The following SYCP1 variants were observed in gnomAD, a reference collection of about 807,000 sequenced individuals.
SYCP1 encodes cancer/testis antigen 8.
Under a neutral mutation model 153.1 loss-of-function variants are expected in SYCP1, and 64 were observed. The ratio of observed to expected loss-of-function variants is 0.42; its 90% CI spans 0.34 to 0.51. The LOEUF (loss-of-function observed/expected upper bound fraction) is 0.51. Ranked by LOEUF, SYCP1 falls within the 20% of genes least tolerant of loss-of-function variation. SYCP1 has a pLI of 0.06. For missense variants in SYCP1, 997 were observed against 1,049.0 expected (o/e 0.95, Z 0.68); for synonymous variants, 384 against 341.8 (o/e 1.12, Z -1.36).
intron 17 of SYCP1, among the ~76,000 whole-genome samples, chr1:114,910,884 C>CTAG (rs1304493743): frequency 6.6e-6 from 1 of 152,026 alleles, no homozygotes; most frequent in Non-Finnish European, 1.5e-5. Context: ...TGGCTCATCC[C>CTAG]CTCAAGTAGC....
rs769055396 is a variant in SYCP1 at position 114,994,698 on chromosome 1, A to G, written c.2704A>G (p.Ser902Gly). ...SDSSETTDLL[S>G]MVSEEETLKT... The stretch of plus-strand genomic sequence containing the variant: ...TCATATTTTTTTATTTTTCTTCAAG[A>G]GCATGGTTTCAGAAGAAGAGACATT... The change falls in exon 31 of 32, where the codon AGC (serine) becomes GGC (glycine). Residue 902 changes from serine (S) to glycine (G), a missense_variant and splice_region_variant. Physicochemically the swap from Ser to Gly is moderately conservative, Grantham distance 56. Around this residue, in one of 2 missense-constraint regions of SYCP1, gnomAD observed 712 missense variants for 682.9 expected, o/e 1.04. Transcript: ENST00000369522. 2 of 1,551,910 alleles carry G rather than the reference A, an allele frequency of 1.3e-6. No homozygotes were observed. The highest frequency in any genetic ancestry group is 2.5e-5 in the South Asian group (2 of 78,640).
rs781743844 is a variant in SYCP1 at position 114,856,669 on chromosome 1, GA to G, written c.193+16del. On this transcript the variant is annotated intron_variant, in intron 3 of 31. Transcript: ENST00000369522. ...AAACATTGATTCAGGTAGGAGCATG[GA>G]AAAGCAGTGTATCAGCTTATATAGA... The G allele has an allele frequency of 1.3e-5, 21 of 1,591,992 alleles. No homozygotes were observed. Among genetic ancestry groups the G allele is most frequent in the Non-Finnish European group, 1.7e-5 (20 of 1,165,250 alleles).
chr1:114,955,108 C>T (rs556496967), intron 27 of SYCP1, among the ~76,000 whole-genome samples: 8 of 152,206 alleles, frequency 5.3e-5, no homozygotes, highest in African/African-American at 1.4e-4. Context: ...TTTTAAAAAT[C>T]GTGAATTGGT....
Position 114,977,607 on chromosome 1 carries a change from A to G in SYCP1, c.2373A>G (p.Lys791=), listed in dbSNP as rs1244080756. 1.3e-6 allele frequency: 2 copies of G among 1,507,054 alleles called. No individual in the cohort carries two copies. Among genetic ancestry groups the G allele is most frequent in the Middle Eastern group, 3.5e-4 (2 of 5,702 alleles). 93.4% of individuals were successfully genotyped at this position (1,507,054 alleles called of 1,614,324 possible). A position where few individuals can be genotyped will look rare whatever the true frequency, so the allele number is the denominator to read the frequency against. ...AKENTATLKE[K]KDKKTQTFLL... is the part of the protein sequence containing the mutation. ...AAAACACAGCTACTCTTAAAGAAAA[A>G]AAAGACAAGGTAAGAGCATATAATT... The change falls in exon 28 of 32, where the codon AAA becomes AAG. Residue 791 remains lysine (K), a synonymous_variant. Transcript: ENST00000369522.
chr1:114,873,430 G>A (rs1318109849), intron 8 of SYCP1, among the ~76,000 whole-genome samples: 1 of 152,122 alleles, frequency 6.6e-6, no homozygotes, highest in Non-Finnish European at 1.5e-5. Context: ...GCTGCAGTTG[G>A]GAATTTCCCA....
chr1:114,943,337 G>C (rs1670503599), intron 23 of SYCP1, among the ~76,000 whole-genome samples: 1 of 151,812 alleles, frequency 6.6e-6, no homozygotes, highest in Admixed American at 6.6e-5. Flanking sequence ...TCCCAAAATG[G>C]AGACAACTCA....
chr1:114,935,100 G>A (rs1418371315), intron 23 of SYCP1, among the ~76,000 whole-genome samples: 1 of 151,998 alleles, frequency 6.6e-6, no homozygotes, highest in East Asian at 1.9e-4. Flanking sequence ...TCAACAGAAT[G>A]TACATTATTT....
At chr1:114,981,558 T>C in intron 29 of SYCP1, 46 bp downstream of exon 29, 1 of 1,495,782 alleles carries the variant, frequency 6.7e-7, no homozygotes, top group East Asian at 2.4e-5. Context: ...TTTAAATAAA[T>C]AAATAAAGTT....
intron 8 of SYCP1, among the ~76,000 whole-genome samples, chr1:114,865,113 A>G (rs368697221): frequency 7.9e-5 from 12 of 152,152 alleles, no homozygotes; most frequent in African/African-American, 2.9e-4. Flanking sequence ...CAGAATTTTA[A>G]GTTCTTTGCT....
At chr1:114,909,690 T>A (rs1668057696) in intron 16 of SYCP1, among the ~76,000 whole-genome samples, 2 of 152,120 alleles carry the variant, frequency 1.3e-5, no homozygotes, top group South Asian at 4.1e-4. Flanking sequence ...CTGACTTCCA[T>A]AGAGTAGTGT....
At chr1:114,892,937 G>T (rs1340025855) in intron 15 of SYCP1, among the ~76,000 whole-genome samples, 1 of 152,068 alleles carries the variant, frequency 6.6e-6, no homozygotes, top group Non-Finnish European at 1.5e-5. Context: ...CAGAGGGTGG[G>T]TGGGACCCAG....
chr1:114,976,998 T>C (rs986729253), intron 27 of SYCP1, among the ~76,000 whole-genome samples: 1 of 151,824 alleles, frequency 6.6e-6, no homozygotes, highest in Non-Finnish European at 1.5e-5. Flanking sequence ...TACATATTCA[T>C]TTATGTAGGC....
At chr1:114,934,359 T>G (rs1386430041) in intron 23 of SYCP1, among the ~76,000 whole-genome samples, 1 of 152,140 alleles carries the variant, frequency 6.6e-6, no homozygotes, top group Non-Finnish European at 1.5e-5. Context: ...AAGCAAATGC[T>G]GAGAGATTTT....
At chr1:114,921,146 AT>A (rs879919014) in intron 20 of SYCP1, among the ~76,000 whole-genome samples, 28 of 150,976 alleles carry the variant, frequency 1.9e-4, no homozygotes, top group African/African-American at 6.8e-4. Flanking sequence ...TATTTGTTGT[AT>A]TTTTTTTATT....
chr1:114,987,703 T>C (rs1027015328), intron 30 of SYCP1, among the ~76,000 whole-genome samples: 26 of 151,640 alleles, frequency 1.7e-4, no homozygotes, highest in Non-Finnish European at 2.5e-4. Flanking sequence ...TAGTAACAAA[T>C]CATAAGGCAT....
At chr1:114,893,297 A>T (rs193182918) in intron 15 of SYCP1, among the ~76,000 whole-genome samples, 19 of 151,122 alleles carry the variant, frequency 1.3e-4, no homozygotes, top group African/African-American at 4.6e-4. Context: ...CTGTATCTCC[A>T]TCTGTATCTG....
chr1:114,878,050 T>C (rs970217591), intron 11 of SYCP1, 44 bp from the exon 12 acceptor site: 1 of 1,088,282 alleles, frequency 9.2e-7, no homozygotes, highest in Non-Finnish European at 1.3e-6. Context: ...TAAGGTGTCA[T>C]ATTTAAATTT....
intron 27 of SYCP1, among the ~76,000 whole-genome samples, chr1:114,951,898 A>G (rs750783568): frequency 3.9e-5 from 6 of 152,112 alleles, no homozygotes; most frequent in Non-Finnish European, 7.4e-5. Flanking sequence ...ACACTATGTA[A>G]CCTTTGTTAC....
intron 30 of SYCP1, among the ~76,000 whole-genome samples, chr1:114,992,806 G>A (rs1238392561): frequency 6.6e-6 from 1 of 151,490 alleles, no homozygotes; most frequent in Non-Finnish European, 1.5e-5. Flanking sequence ...ATTAAGAACT[G>A]TTGTGAATTA....
Sources: allele counts gnomAD v4.1 joint callset (sites outside exome capture counted in the v4.1 genomes callset), GRCh38; gene constraint gnomAD v4.1.1; regional missense constraint gnomAD v4.1.1; transcripts MANE v1.5; gene names NCBI Gene and HGNC (gene_info 2026-07-23, HGNC 2026-07-21).